Variants in FRMPD4 observed in about 807,000 individuals in gnomAD.
FRMPD4 encodes FERM and PDZ domain containing 4, also known as FERM and PDZ domain-containing protein 4.
In FRMPD4, 22 loss-of-function variants were observed where a neutral mutation model predicts 94.1. That is an observed-to-expected ratio of 0.23 (90% CI 0.17 to 0.33). The LOEUF (loss-of-function observed/expected upper bound fraction) is 0.33. Among genes scored for constraint, FRMPD4 ranks in the 10% least tolerant of loss-of-function variants. The probability of loss-of-function intolerance (pLI) is 1.00; values close to 1 mark genes in which losing one functional copy is unlikely to be tolerated. For missense variants in FRMPD4, 1,111 were observed against 1,339.9 expected (o/e 0.83, Z 2.67); for synonymous variants, 631 against 548.6 (o/e 1.15, Z -2.10).
intron 2 of FRMPD4, among the ~76,000 whole-genome samples, chrX:12,558,225 G>A (rs5979651): frequency 0.045 from 5,072 of 112,546 alleles, 165 homozygotes; most frequent in African/African-American, 0.12. Flanking sequence ...AAAACTGTAC[G>A]TGTTTCATTT....
intron 3 of FRMPD4, among the ~76,000 whole-genome samples, chrX:12,092,367 C>T (rs953984838): frequency 1.2e-3 from 140 of 112,144 alleles, no homozygotes; most frequent in African/African-American, 3.8e-3. Flanking sequence ...ATGTTTTCCT[C>T]GTTTTCCACA....
At chrX:12,074,528 G>A (rs1477819812) in intron 3 of FRMPD4, among the ~76,000 whole-genome samples, 2 of 111,692 alleles carry the variant, frequency 1.8e-5, no homozygotes, top group Non-Finnish European at 3.8e-5. Context: ...AAAATTTGAG[G>A]CATCAGTCAG....
intron 3 of FRMPD4, among the ~76,000 whole-genome samples, chrX:11,961,889 C>A (rs1475930479): frequency 9.2e-6 from 1 of 108,962 alleles, no homozygotes; most frequent in African/African-American, 3.4e-5. Context: ...AAAATTTGAA[C>A]AGAGCTTTAA....
chrX:12,347,756 T>G (rs892098676), intron 1 of FRMPD4, among the ~76,000 whole-genome samples: 3 of 111,991 alleles, frequency 2.7e-5, no homozygotes, highest in African/African-American at 9.7e-5. Flanking sequence ...ATTTAAATTA[T>G]TATTTAAATT....
At chrX:11,949,257 G>A (rs984008220) in intron 3 of FRMPD4, among the ~76,000 whole-genome samples, 7 of 112,287 alleles carry the variant, frequency 6.2e-5, no homozygotes, top group African/African-American at 2.3e-4. Context: ...TCTGGTGCAT[G>A]TATACAAGAT....
chrX:12,657,809 A>C (rs1435259533), intron 4 of FRMPD4, among the ~76,000 whole-genome samples: 1 of 112,682 alleles, frequency 8.9e-6, no homozygotes, highest in African/African-American at 3.2e-5. Context: ...TTTGGCCTTC[A>C]GATAGACTTT....
At chrX:12,684,883 T>C (rs1282437573) in intron 6 of FRMPD4, among the ~76,000 whole-genome samples, 1 of 111,956 alleles carries the variant, frequency 8.9e-6, no homozygotes. Flanking sequence ...CTGAGGATAA[T>C]CATCTCCTGA....
At chrX:12,189,762 G>C (rs1001486586) in intron 1 of FRMPD4, among the ~76,000 whole-genome samples, 1 of 111,348 alleles carries the variant, frequency 9.0e-6, no homozygotes. Flanking sequence ...CATAAAAAAC[G>C]TACAGCTAAC....
At chrX:12,559,732 T>G (rs1569336645) in intron 2 of FRMPD4, among the ~76,000 whole-genome samples, 1 of 111,489 alleles carries the variant, frequency 9.0e-6, no homozygotes, top group African/African-American at 3.2e-5. Flanking sequence ...TAAAATATTT[T>G]TATTTAATAA....
At chrX:12,461,721 TG>T (rs1375785480) in intron 1 of FRMPD4, among the ~76,000 whole-genome samples, 2 of 111,175 alleles carry the variant, frequency 1.8e-5, no homozygotes, top group Non-Finnish European at 3.8e-5. Flanking sequence ...TAAATGGGAG[TG>T]GGGGTTTCAA....
At chrX:11,858,003 G>A (rs1185723124) in intron 1 of FRMPD4, among the ~76,000 whole-genome samples, 1 of 111,603 alleles carries the variant, frequency 9.0e-6, no homozygotes, top group Admixed American at 9.5e-5. Flanking sequence ...ACCACAATGA[G>A]ATACCATCTC....
chrX:11,848,709 C>T (rs545152730), intron 1 of FRMPD4, among the ~76,000 whole-genome samples: 3 of 110,367 alleles, frequency 2.7e-5, no homozygotes, highest in African/African-American at 9.9e-5. Flanking sequence ...CTGTTAAATC[C>T]CCTCCTAACC....
intron 1 of FRMPD4, among the ~76,000 whole-genome samples, chrX:12,263,036 A>G (rs2054216749): frequency 9.0e-6 from 1 of 111,511 alleles, no homozygotes; most frequent in Admixed American, 9.5e-5. Context: ...TGTTATTTCT[A>G]CAAGAGGGAG....
chrX:12,394,021 A>G (rs2056511340), intron 1 of FRMPD4, among the ~76,000 whole-genome samples: 2 of 111,438 alleles, frequency 1.8e-5, no homozygotes, highest in South Asian at 7.6e-4. Context: ...TATAAACCAT[A>G]TGGTGATATA....
intron 1 of FRMPD4, among the ~76,000 whole-genome samples, chrX:12,374,591 A>G (rs764462640): frequency 8.9e-6 from 1 of 112,199 alleles, no homozygotes; most frequent in South Asian, 3.8e-4. Context: ...CGAATGCAAA[A>G]GAGTCCGAGA....
At chrX:12,631,133 G>T (rs1037951740) in intron 4 of FRMPD4, among the ~76,000 whole-genome samples, 2 of 111,663 alleles carry the variant, frequency 1.8e-5, no homozygotes, top group African/African-American at 6.5e-5. Flanking sequence ...CAGCCATATA[G>T]ATGGATCTAC....
At chrX:11,926,977 C>T (rs1184133850) in intron 3 of FRMPD4, among the ~76,000 whole-genome samples, 1 of 111,411 alleles carries the variant, frequency 9.0e-6, no homozygotes, top group East Asian at 2.8e-4. Context: ...TTGCAGACGA[C>T]ATTATCCTAT....
intron 1 of FRMPD4, among the ~76,000 whole-genome samples, chrX:12,248,477 T>A (rs1044513001): frequency 8.4e-4 from 94 of 112,551 alleles, no homozygotes; most frequent in African/African-American, 2.9e-3. Context: ...TTTCTTAGTT[T>A]CTTAGGGAAA....
chrX:12,369,491 GAT>G (rs886103049), intron 1 of FRMPD4, among the ~76,000 whole-genome samples: 2 of 112,261 alleles, frequency 1.8e-5, no homozygotes, highest in African/African-American at 6.5e-5. Flanking sequence ...CTGAATAGAA[GAT>G]GTGTAGTTTA....
Sources: allele counts gnomAD v4.1 joint callset (sites outside exome capture counted in the v4.1 genomes callset), GRCh38; gene constraint gnomAD v4.1.1; transcripts MANE v1.5; gene names NCBI Gene and HGNC (gene_info 2026-07-23, HGNC 2026-07-21).